SLC5A4: variants seen among roughly 807,000 people sequenced by gnomAD.
SLC5A4 encodes solute carrier family 5 member 4, also known as probable glucose sensor protein SLC5A4.
SLC5A4 carries 55 observed loss-of-function variants against 70.3 expected under a neutral mutation model. The ratio of observed to expected loss-of-function variants is 0.78; its 90% CI spans 0.63 to 0.98. The LOEUF is 0.98. Ranked by LOEUF, SLC5A4 falls within the 50% of genes least tolerant of loss-of-function variation. The probability of loss-of-function intolerance (pLI) is 0.00; values close to 1 mark genes in which losing one functional copy is unlikely to be tolerated. For synonymous variants in SLC5A4, 268 were observed against 305.7 expected, an observed-to-expected ratio of 0.88 and a Z score of 1.29; for missense variants, 735 against 839.2, an observed-to-expected ratio of 0.88 and a Z score of 1.53.
chr22:32,299,790 C>T, the SLC5A4 span, among the ~76,000 whole-genome samples: 3 of 127,106 alleles, frequency 2.4e-5, 1 homozygote, highest in South Asian at 5.3e-4. Context: ...ATGGTTTTAT[C>T]TACTTTTGGT....
the SLC5A4 span, among the ~76,000 whole-genome samples, chr22:32,330,967 G>A: frequency 5.6e-3 from 27 of 4,856 alleles, no homozygotes; most frequent in Middle Eastern, 0.071. Context: ...TGTGTGTTGG[G>A]GGCACTGGTG....
the SLC5A4 span, among the ~76,000 whole-genome samples, chr22:32,310,525 G>T: frequency 3.6e-5 from 1 of 27,832 alleles, no homozygotes; most frequent in Admixed American, 2.9e-4. Flanking sequence ...GGGGTGCCCT[G>T]GGATTGCTCA....
chr22:32,322,779 A>G, the SLC5A4 span, among the ~76,000 whole-genome samples: 7 of 152,130 alleles, frequency 4.6e-5, no homozygotes, highest in Non-Finnish European at 8.8e-5. Flanking sequence ...TCACATGCCA[A>G]GGGAAGCTGA....
the SLC5A4 span, among the ~76,000 whole-genome samples, chr22:32,300,923 G>A: frequency 5.9e-5 from 9 of 152,130 alleles, no homozygotes; most frequent in African/African-American, 9.7e-5. Context: ...TGGAATAAAC[G>A]TGCAGGAGTA....
At chr22:32,219,630 C>CAAAAAAAAAAAAAAAAAAAAAA in intron 14 of SLC5A4, among the ~76,000 whole-genome samples, 6 of 28,862 alleles carry the variant, frequency 2.1e-4, no homozygotes, top group African/African-American at 7.7e-4. Context: ...TCCAACTTAG[C>CAAAAAAAAAAAAAAAAAAAAAA]AAAAAAAAAA....
chr22:32,334,249 C>T, the SLC5A4 span, among the ~76,000 whole-genome samples: 2 of 152,156 alleles, frequency 1.3e-5, no homozygotes, highest in African/African-American at 4.8e-5. Flanking sequence ...CCACCTCTGC[C>T]CTCTCCACCT....
At chr22:32,226,000 A>G (rs1925376238) in intron 11 of SLC5A4, among the ~76,000 whole-genome samples, 177 bp from the exon 12 acceptor site, 1 of 152,226 alleles carries the variant, frequency 6.6e-6, no homozygotes, top group Non-Finnish European at 1.5e-5. Flanking sequence ...GTAAAGTGCC[A>G]ATAAAGCAAT....
rs986352774 is a variant in SLC5A4 at position 32,218,531 on chromosome 22, GAATA to G, written c.1959_1962del (p.Ile654ThrfsTer12). The G allele has an allele frequency of 1.9e-6, 3 of 1,605,288 alleles. No individual in the cohort carries two copies. The highest frequency in any genetic ancestry group is 2.6e-6 in the Non-Finnish European group (3 of 1,175,124). On this transcript the variant is annotated frameshift_variant, in exon 15 of 15. Coordinates refer to ENST00000266086, the MANE Select transcript of SLC5A4 (RefSeq NM_014227.3). LOFTEE classifies it high-confidence loss of function. ...GATAGAGTTCAGGCATAGTAGCCGTGAATAAAGACCACCACAGCCAGGAGGAGGA... is the reference window on the plus strand; with the variant it reads ...GATAGAGTTCAGGCATAGTAGCCGTGAAGACCACCACAGCCAGGAGGAGGA...
the SLC5A4 span, among the ~76,000 whole-genome samples, chr22:32,286,208 T>C: frequency 1.5e-3 from 224 of 152,376 alleles, no homozygotes; most frequent in Non-Finnish European, 2.5e-3. Flanking sequence ...AATTATTACA[T>C]ATACTCACAT....
chr22:32,242,619 G>T (rs1926601821), intron 5 of SLC5A4, among the ~76,000 whole-genome samples: 1 of 152,162 alleles, frequency 6.6e-6, no homozygotes, highest in Non-Finnish European at 1.5e-5. Context: ...TGAGGCAGGA[G>T]AATTGCTTGA....
chr22:32,308,644 T>TA, the SLC5A4 span, among the ~76,000 whole-genome samples: 1 of 152,212 alleles, frequency 6.6e-6, no homozygotes, highest in Non-Finnish European at 1.5e-5. Context: ...GGGACACATT[T>TA]GAATCTTTCT....
intron 14 of SLC5A4, 85 bp from the exon 15 acceptor site, chr22:32,218,810 TAAAA>T: frequency 1.1e-6 from 1 of 889,416 alleles, no homozygotes; most frequent in Non-Finnish European, 1.7e-6. Context: ...CCTATGACTG[TAAAA>T]AATGATTACA....
chr22:32,337,045 G>T, the SLC5A4 span, among the ~76,000 whole-genome samples: 3 of 152,288 alleles, frequency 2.0e-5, no homozygotes, highest in South Asian at 4.1e-4. Flanking sequence ...CGTTTCCTTG[G>T]GGGGACTAAA....
At chr22:32,230,281 A>G (rs1413885905) in intron 10 of SLC5A4, among the ~76,000 whole-genome samples, 2 of 152,198 alleles carry the variant, frequency 1.3e-5, no homozygotes, top group Admixed American at 1.3e-4. Context: ...TTGATGGAGT[A>G]GGAGATCACC....
chr22:32,251,223 A>T (rs1927135724), intron 3 of SLC5A4, among the ~76,000 whole-genome samples: 1 of 150,494 alleles, frequency 6.6e-6, no homozygotes, highest in Admixed American at 6.6e-5. Context: ...AACCTGGGAT[A>T]TGACTTCCAT....
chr22:32,229,468 C>T (rs1925616714), intron 10 of SLC5A4, 124 bp from the exon 11 acceptor site: 1 of 953,046 alleles, frequency 1.0e-6, no homozygotes, highest in African/African-American at 1.6e-5. Flanking sequence ...TATCAATACA[C>T]ATCAGCATGT....
rs1417882308 is a variant in SLC5A4 at position 32,255,208 on chromosome 22, G to A, written c.122C>T (p.Ala41Val). The A allele has an allele frequency of 6.2e-7, 1 of 1,613,136 alleles. No individual in the cohort carries two copies. Among genetic ancestry groups the A allele is most frequent in the Non-Finnish European group, 8.5e-7 (1 of 1,179,868 alleles). The stretch of plus-strand genomic sequence containing the variant: ...GATTCCACCTACCCACAGCCCAACA[G>A]CCATCACCACCAGAAAATAGATGAC... ...VIVIYFLVVM[A>V]VGLWAMLKTN... is the part of the protein sequence containing the mutation. Residue 41 changes from alanine to valine, a missense_variant, in exon 1 of 15, where the codon GCT (alanine) becomes GTT (valine). By Grantham distance (64) the Ala-to-Val change is moderately conservative. Coordinates refer to ENST00000266086, the MANE Select transcript of SLC5A4 (RefSeq NM_014227.3).
At chr22:32,328,466 C>T in the SLC5A4 span, among the ~76,000 whole-genome samples, 3 of 152,204 alleles carry the variant, frequency 2.0e-5, no homozygotes, top group South Asian at 4.1e-4. Flanking sequence ...TCTCCCAGAG[C>T]CCTCTTTTTG....
At chr22:32,231,123 A>T (rs1288766011) in intron 9 of SLC5A4, 48 bp from the exon 10 acceptor site, 1 of 1,071,078 alleles carries the variant, frequency 9.3e-7, no homozygotes. Flanking sequence ...AATAGGCAAA[A>T]CCAACAACCA....
Sources: gnomAD v4.1 joint callset for allele counts (sites outside exome capture counted in the v4.1 genomes callset) on GRCh38, gnomAD v4.1.1 for gene constraint, MANE v1.5 for transcripts, NCBI Gene and HGNC (gene_info 2026-07-23, HGNC 2026-07-21) for gene names.